Variants in SLC60A2 observed in about 807,000 individuals in gnomAD.
SLC60A2 encodes the protein solute carrier family 60 member 2.
At chr6:111,262,192 C>T in the SLC60A2 span, 1 of 1,361,606 alleles carries the variant, frequency 7.3e-7, no homozygotes, top group Non-Finnish European at 1.0e-6. Context: ...GTGGAAGAAA[C>T]TACCACATAG....
At chr6:111,274,295 A>G in the SLC60A2 span, among the ~76,000 whole-genome samples, 1 of 152,196 alleles carries the variant, frequency 6.6e-6, no homozygotes, top group East Asian at 1.9e-4. Context: ...GATATAGTCT[A>G]TTTTATCTAA....
the SLC60A2 span, chr6:111,268,867 T>C: frequency 1.2e-4 from 19 of 152,196 alleles, no homozygotes; most frequent in African/African-American, 3.9e-4. Context: ...GAGTCAAGGA[T>C]CAGAAAGGGT....
At chr6:111,261,679 C>T in the SLC60A2 span, among the ~76,000 whole-genome samples, 8 of 152,062 alleles carry the variant, frequency 5.3e-5, no homozygotes, top group Admixed American at 2.6e-4. Flanking sequence ...CTGCAACCTC[C>T]GCATCCCGTG....
chr6:111,273,503 T>TG, the SLC60A2 span, among the ~76,000 whole-genome samples: 5 of 118,816 alleles, frequency 4.2e-5, no homozygotes, highest in Non-Finnish European at 1.1e-4. Flanking sequence ...TGTGTTTTTT[T>TG]TTTTTTTTTT....
the SLC60A2 span, among the ~76,000 whole-genome samples, chr6:111,279,230 G>T: frequency 1.3e-5 from 2 of 151,360 alleles, no homozygotes; most frequent in East Asian, 3.9e-4. Context: ...TGCCACTTTT[G>T]TAGATCCTTG....
chr6:111,263,379 A>AAT, the SLC60A2 span, among the ~76,000 whole-genome samples: 4 of 152,206 alleles, frequency 2.6e-5, no homozygotes, highest in Non-Finnish European at 4.4e-5. Flanking sequence ...AGTGGGTTGA[A>AAT]ATAACATATT....
the SLC60A2 span, among the ~76,000 whole-genome samples, chr6:111,263,096 C>A: frequency 4.3e-4 from 66 of 152,248 alleles, no homozygotes; most frequent in Middle Eastern, 3.4e-3. Context: ...AGCCACCATG[C>A]CTGATTAATT....
the SLC60A2 span, chr6:111,259,767 C>G: frequency 1.9e-6 from 3 of 1,542,568 alleles, no homozygotes; most frequent in African/African-American, 1.4e-5. Context: ...CCGGGGCGTT[C>G]GAGTCTTGCC....
the SLC60A2 span, among the ~76,000 whole-genome samples, chr6:111,275,409 C>CTTT: frequency 3.4e-4 from 48 of 139,774 alleles, no homozygotes; most frequent in Non-Finnish European, 5.8e-4. Context: ...CTCAGAACAA[C>CTTT]TTTTTTTTTT....
the SLC60A2 span, among the ~76,000 whole-genome samples, chr6:111,263,020 C>T: frequency 1.3e-5 from 2 of 152,108 alleles, no homozygotes; most frequent in Non-Finnish European, 1.5e-5. Context: ...TCACTGCAAC[C>T]TCCCCCTCCT....
chr6:111,259,762 G>T, the SLC60A2 span: 3 of 1,552,148 alleles, frequency 1.9e-6, no homozygotes, highest in Non-Finnish European at 1.7e-6. Context: ...CCAGGCCGGG[G>T]CGTTCGAGTC....
chr6:111,264,156 A>G, the SLC60A2 span, among the ~76,000 whole-genome samples: 11,876 of 152,256 alleles, frequency 0.078, 902 homozygotes, highest in African/African-American at 0.2. Flanking sequence ...AAATGAACTT[A>G]AAGAATTTTG....
chr6:111,260,549 G>T, the SLC60A2 span, among the ~76,000 whole-genome samples: 1 of 152,202 alleles, frequency 6.6e-6, no homozygotes, highest in African/African-American at 2.4e-5. Flanking sequence ...CAAAGGGCAA[G>T]CCTAGAGGCG....
chr6:111,275,480 G>A, the SLC60A2 span, among the ~76,000 whole-genome samples: 9 of 150,934 alleles, frequency 6.0e-5, no homozygotes, highest in African/African-American at 1.7e-4. Flanking sequence ...CATGATCTTG[G>A]CTCACTGCAA....
the SLC60A2 span, chr6:111,271,128 A>G: frequency 7.7e-6 from 1 of 129,546 alleles, no homozygotes; most frequent in Non-Finnish European, 1.6e-5. Flanking sequence ...AGATGGCGCC[A>G]CTACACTCCA....
chr6:111,267,465 A>G, the SLC60A2 span: 1 of 180,600 alleles, frequency 5.5e-6, no homozygotes, highest in South Asian at 1.7e-4. Flanking sequence ...AGTTGAATTG[A>G]TTGGTTGAAC....
the SLC60A2 span, among the ~76,000 whole-genome samples, chr6:111,276,824 G>A: frequency 4.6e-5 from 7 of 152,274 alleles, no homozygotes; most frequent in East Asian, 3.9e-4. Flanking sequence ...GGGACCACTC[G>A]TTTTCTGCAT....
At chr6:111,276,999 C>G in the SLC60A2 span, among the ~76,000 whole-genome samples, 105 of 152,264 alleles carry the variant, frequency 6.9e-4, no homozygotes, top group South Asian at 6.4e-3. Context: ...TGCCATTGCC[C>G]TTATTGGGCC....
the SLC60A2 span, among the ~76,000 whole-genome samples, chr6:111,273,855 A>G: frequency 6.6e-6 from 1 of 152,124 alleles, no homozygotes; most frequent in Non-Finnish European, 1.5e-5. Flanking sequence ...CCTTTTGAGT[A>G]GTTGGAACTA....
Sources: gnomAD v4.1 joint callset for allele counts (sites outside exome capture counted in the v4.1 genomes callset) on GRCh38, gnomAD v4.1.1 for gene constraint, MANE v1.5 for transcripts, NCBI Gene and HGNC (gene_info 2026-07-23, HGNC 2026-07-21) for gene names.